Variants in IL1RAPL1 observed in about 807,000 individuals in gnomAD.
The protein encoded by IL1RAPL1 is interleukin-1 receptor accessory protein-like 1.
In IL1RAPL1, 3 loss-of-function variants were observed where a neutral mutation model predicts 48.4. The observed-to-expected ratio is 0.06, with a 90% CI of 0.03 to 0.16. The LOEUF (loss-of-function observed/expected upper bound fraction) is 0.16. IL1RAPL1 is among the 10% of genes least tolerant of loss of function. The pLI is 1.00. For missense variants in IL1RAPL1, 349 were observed against 530.6 expected, an observed-to-expected ratio of 0.66 and a Z score of 3.36; for synonymous variants, 185 against 187.7, an observed-to-expected ratio of 0.99 and a Z score of 0.12.
At chrX:29,907,165 G>A (rs954764272) in intron 6 of IL1RAPL1, among the ~76,000 whole-genome samples, 6 of 110,510 alleles carry the variant, frequency 5.4e-5, no homozygotes, top group Middle Eastern at 5.1e-3. Flanking sequence ...ATTTTTTAAT[G>A]TCCATTCTAG....
chrX:28,966,355 T>A (rs1377528357), intron 2 of IL1RAPL1, among the ~76,000 whole-genome samples: 1 of 112,048 alleles, frequency 8.9e-6, no homozygotes, highest in Non-Finnish European at 1.9e-5. Context: ...AAGATGAGAA[T>A]GCCTTGAGGT....
intron 1 of IL1RAPL1, among the ~76,000 whole-genome samples, chrX:28,676,408 A>T (rs901855639): frequency 2.7e-5 from 3 of 111,352 alleles, no homozygotes; most frequent in Admixed American, 9.6e-5. Context: ...ACTATGCAAT[A>T]TTTTTTTATT....
intron 2 of IL1RAPL1, among the ~76,000 whole-genome samples, chrX:29,244,811 CT>C (rs1255122038): frequency 4.6e-5 from 5 of 109,520 alleles, no homozygotes; most frequent in South Asian, 3.9e-4. Flanking sequence ...TTTTTCAGTC[CT>C]TTTTTTTTAA....
intron 2 of IL1RAPL1, among the ~76,000 whole-genome samples, chrX:29,019,922 A>T (rs1230139723): frequency 8.9e-6 from 1 of 112,281 alleles, no homozygotes; most frequent in Non-Finnish European, 1.9e-5. Flanking sequence ...ATTTTTGTCA[A>T]ATCTTTCTAT....
intron 6 of IL1RAPL1, among the ~76,000 whole-genome samples, chrX:29,719,981 C>CCCAA (rs1927593268): frequency 9.0e-6 from 1 of 111,232 alleles, no homozygotes; most frequent in Non-Finnish European, 1.9e-5. Flanking sequence ...AATATTAACC[C>CCCAA]CCAAACAACT....
chrX:29,252,427 T>A (rs16988480), intron 2 of IL1RAPL1, among the ~76,000 whole-genome samples: 6,357 of 112,207 alleles, frequency 0.057, 353 homozygotes, highest in African/African-American at 0.2. Flanking sequence ...AAAAATGTTG[T>A]ATGTCTGGTT....
At chrX:28,604,742 G>A (rs1011630649) in intron 1 of IL1RAPL1, among the ~76,000 whole-genome samples, 12 of 106,210 alleles carry the variant, frequency 1.1e-4, no homozygotes, top group Non-Finnish European at 1.7e-4. Context: ...AAAAAAAAAG[G>A]TATTTGTTAA....
intron 5 of IL1RAPL1, among the ~76,000 whole-genome samples, chrX:29,561,235 C>T (rs1327667036): frequency 1.8e-5 from 2 of 112,245 alleles, no homozygotes; most frequent in African/African-American, 6.5e-5. Context: ...CTCCCAGTCC[C>T]AGAGAGTTAA....
chrX:28,650,645 T>C (rs1934672482), intron 1 of IL1RAPL1, among the ~76,000 whole-genome samples: 1 of 111,773 alleles, frequency 8.9e-6, no homozygotes, highest in Admixed American at 9.5e-5. Context: ...AATAGGCAAC[T>C]CCTGTTAGTG....
intron 6 of IL1RAPL1, among the ~76,000 whole-genome samples, chrX:29,710,587 C>G (rs1927313794): frequency 9.5e-6 from 1 of 105,195 alleles, no homozygotes; most frequent in Non-Finnish European, 1.9e-5. Flanking sequence ...TATATACACA[C>G]ATACATATAT....
chrX:29,276,002 A>T (rs2147595546), intron 2 of IL1RAPL1, among the ~76,000 whole-genome samples: 1 of 112,770 alleles, frequency 8.9e-6, no homozygotes, highest in African/African-American at 3.2e-5. Context: ...AAACAAAAAC[A>T]AAATAAAAGT....
At chrX:28,914,554 A>G (rs182583592) in intron 2 of IL1RAPL1, among the ~76,000 whole-genome samples, 12 of 112,100 alleles carry the variant, frequency 1.1e-4, no homozygotes, top group African/African-American at 3.9e-4. Flanking sequence ...TCACCATCTT[A>G]TTTCAGACTT....
At chrX:28,963,576 T>C (rs1262600783) in intron 2 of IL1RAPL1, among the ~76,000 whole-genome samples, 2 of 111,340 alleles carry the variant, frequency 1.8e-5, no homozygotes, top group East Asian at 5.6e-4. Flanking sequence ...ATCAATGCGA[T>C]GTCTAGGAAG....
chrX:29,915,849 C>T (rs1395096692), intron 6 of IL1RAPL1, among the ~76,000 whole-genome samples: 2 of 85,694 alleles, frequency 2.3e-5, no homozygotes, highest in Non-Finnish European at 4.5e-5. Context: ...GCTGCACCCA[C>T]TAACTCGTCA....
chrX:29,037,614 T>C (rs1220188491), intron 2 of IL1RAPL1, among the ~76,000 whole-genome samples: 2 of 111,960 alleles, frequency 1.8e-5, no homozygotes, highest in African/African-American at 6.5e-5. Context: ...AAATGAAGGA[T>C]AATGACTCAC....
intron 2 of IL1RAPL1, among the ~76,000 whole-genome samples, chrX:29,049,939 T>A (rs1448281758): frequency 8.9e-6 from 1 of 112,103 alleles, no homozygotes; most frequent in Admixed American, 9.5e-5. Context: ...CATTTGGATT[T>A]CACCAGCTTC....
At chrX:29,690,556 G>A (rs953479866) in intron 6 of IL1RAPL1, among the ~76,000 whole-genome samples, 3 of 111,010 alleles carry the variant, frequency 2.7e-5, no homozygotes, top group Non-Finnish European at 5.7e-5. Flanking sequence ...TTAGGTTGCC[G>A]TGTTTCTGAG....
At chrX:29,314,581 A>C (rs1932761141) in intron 3 of IL1RAPL1, among the ~76,000 whole-genome samples, 1 of 112,635 alleles carries the variant, frequency 8.9e-6, no homozygotes, top group Admixed American at 9.4e-5. Flanking sequence ...TGTGGAACAA[A>C]ATGCAAAGTT....
chrX:28,596,422 A>C (rs972987238), intron 1 of IL1RAPL1, among the ~76,000 whole-genome samples: 1 of 105,193 alleles, frequency 9.5e-6, no homozygotes, highest in African/African-American at 3.5e-5. Flanking sequence ...ATAGGTATTT[A>C]AGTGCCTTCA....
Sources: gnomAD v4.1 joint callset for allele counts (sites outside exome capture counted in the v4.1 genomes callset) on GRCh38, gnomAD v4.1.1 for gene constraint, MANE v1.5 for transcripts, NCBI Gene and HGNC (gene_info 2026-07-23, HGNC 2026-07-21) for gene names.